Variants in POLE observed in about 807,000 individuals in gnomAD.
POLE encodes DNA polymerase epsilon, catalytic subunit.
In POLE, 188 loss-of-function variants were observed where a neutral mutation model predicts 279.2. The ratio of observed to expected loss-of-function variants is 0.67; its 90% CI spans 0.60 to 0.76. POLE has a LOEUF of 0.76. POLE is among the 30% of genes least tolerant of loss of function. The pLI, the probability that POLE is intolerant of heterozygous loss-of-function variation, is 0.00. For synonymous variants in POLE, 1,214 were observed against 1,172.5 expected (o/e 1.04, Z -0.72); for missense variants, 2,703 against 3,016.7 (o/e 0.90, Z 2.44).
intron 26 of POLE, 40 bp from the exon 27 acceptor site, chr12:132,658,010 A>G: frequency 1.7e-6 from 2 of 1,198,280 alleles, no homozygotes; most frequent in Non-Finnish European, 1.2e-6. Context: ...GTAACAGTGA[A>G]AATCACCCAA....
Position 132,639,539 on chromosome 12 carries a change from C to CCCTCAACACAAT in POLE, c.5379-242_5379-241insATTGTGTTGAGG, listed in dbSNP as rs869113501. Among the ~76,000 whole-genome samples, 8 of 18,292 alleles carry CCCTCAACACAAT rather than the reference C, an allele frequency of 4.4e-4. No homozygotes were observed. The highest frequency in any genetic ancestry group is 0.029 in the Middle Eastern group (1 of 34). The allele number at this position is 18,292 out of a possible 152,430, so 12.0% of individuals were successfully genotyped here. ...TAAACTTGTTCAGGCTTCACCGCAT[C>CCCTCAACACAAT]CCAAACTCTGTGTGTTCTAAAGCAG... On this transcript the variant is annotated intron_variant, in intron 39 of 48. Coordinates refer to ENST00000320574, the MANE Select transcript of POLE (RefSeq NM_006231.4). This position sits in a 1 kb window ranked among gnomAD's most constrained non-coding sequence, Gnocchi z 4.7.
intron 41 of POLE, among the ~76,000 whole-genome samples, chr12:132,636,297 C>T (rs375914958): frequency 6.6e-5 from 10 of 152,074 alleles, no homozygotes; most frequent in Admixed American, 2.0e-4. Flanking sequence ...CTCTGCTCTG[C>T]GGCCTTAGGT....
At position 132,643,671 on chromosome 12, in the gene POLE, G is replaced by T. The variant is rs140563234; in HGVS notation, c.4291-111C>A. The T allele has an allele frequency of 6.5e-5, 99 of 1,512,388 alleles. No homozygotes were observed. In the African/African-American group the frequency reaches 1.2e-3, roughly 18 times the overall value. 93.7% of individuals were successfully genotyped at this position (1,512,388 alleles called of 1,614,324 possible). On this transcript the variant is annotated intron_variant, in intron 33 of 48. Transcript: ENST00000320574. ...TGCCCCTGCAGCTGCCCGGCCCACTGCCCAAAGGCCACTTTTGGCAGACAC... is the reference window on the plus strand; with the variant it reads ...TGCCCCTGCAGCTGCCCGGCCCACTTCCCAAAGGCCACTTTTGGCAGACAC...
chr12:132,685,920 G>C (rs2043250061), intron 1 of POLE, among the ~76,000 whole-genome samples: 1 of 151,506 alleles, frequency 6.6e-6, no homozygotes, highest in African/African-American at 2.4e-5. Flanking sequence ...TTGTTGCCCA[G>C]CCTGGAGTGC....
At chr12:132,673,091 T>C in intron 14 of POLE, 73 bp downstream of exon 14, 2 of 1,018,214 alleles carry the variant, frequency 2.0e-6, no homozygotes, top group Non-Finnish European at 3.1e-6. Context: ...TCCACCTCCA[T>C]TCAGCTCCAG....
chr12:132,678,509 C>T (rs1414375266), intron 6 of POLE, among the ~76,000 whole-genome samples: 6 of 149,384 alleles, frequency 4.0e-5, no homozygotes, highest in South Asian at 2.2e-4. Flanking sequence ...CCCAGGAGTT[C>T]GAGGCCACAG....
chr12:132,665,462 A>G lies in POLE; in HGVS notation c.2320-12T>C, dbSNP rs2135962443. 3 of 1,601,652 alleles carry G rather than the reference A, an allele frequency of 1.9e-6. No individual in the cohort carries two copies. Among genetic ancestry groups the G allele is most frequent in the Non-Finnish European group, 2.6e-6 (3 of 1,173,974 alleles). ...TTCTTTTTCCACACCTGAGAAGCAC[A>G]TGAACATGGAGCACCTCACAGATTC... is the stretch of plus-strand genomic sequence containing the variant. On this transcript the variant is annotated splice_polypyrimidine_tract_variant and intron_variant, in intron 20 of 48. Transcript: ENST00000320574.
intron 26 of POLE, 126 bp from the exon 27 acceptor site, chr12:132,658,096 C>T: frequency 1.5e-6 from 1 of 659,196 alleles, no homozygotes; most frequent in Non-Finnish European, 2.7e-6. Flanking sequence ...TCAATGTATA[C>T]ATCTGCGTGC....
At chr12:132,638,366 T>A in intron 40 of POLE, 1 of 337,860 alleles carries the variant, frequency 3.0e-6, no homozygotes, top group African/African-American at 2.1e-5. Context: ...AGCAAATTCT[T>A]ATCACAGAAA....
Position 132,685,080 on chromosome 12 carries a change from A to G in POLE, c.62+2174T>C, listed in dbSNP as rs565526603. ...ACAGGCTCTCATTCACAGAGCTACCATTGACTGGTTACTATATCACACCGT... is the reference window on the plus strand; with the variant it reads ...ACAGGCTCTCATTCACAGAGCTACCGTTGACTGGTTACTATATCACACCGT... On this transcript the variant is annotated intron_variant, in intron 1 of 48. Coordinates refer to ENST00000320574, the MANE Select transcript of POLE (RefSeq NM_006231.4). Among the ~76,000 whole-genome samples the G allele has an allele frequency of 1.9e-3, 162 of 86,644 alleles. 13 individuals are homozygous for G. Among genetic ancestry groups the G allele is most frequent in the African/African-American group, 6.1e-3 (157 of 25,926 alleles). 56.8% of individuals were successfully genotyped at this position (86,644 alleles called of 152,430 possible). A position where few individuals can be genotyped will look rare whatever the true frequency, so the allele number is the denominator to read the frequency against.
intron 37 of POLE, 49 bp from the exon 38 acceptor site, chr12:132,642,446 G>C (rs1191635871): frequency 3.8e-6 from 6 of 1,598,180 alleles, no homozygotes; most frequent in Middle Eastern, 1.7e-4. Context: ...GGGTCACAGA[G>C]ACCACCGAGG....
At position 132,664,538 on chromosome 12, in the gene POLE, G is replaced by T; in HGVS notation, c.2469-76C>A. The stretch of plus-strand genomic sequence containing the variant: ...GGGTATCAGAGGCAGTGAGGAGTAG[G>T]GAGGAGGAAAGGAGAGATGCGACAG... On this transcript the variant is annotated intron_variant, in intron 21 of 48. Coordinates refer to ENST00000320574, the MANE Select transcript of POLE (RefSeq NM_006231.4). The surrounding 1 kb of genome is among the most constrained non-coding windows in gnomAD (Gnocchi z 5.3). 8.9e-7 allele frequency: 1 copy of T among 1,118,528 alleles called. No homozygotes were observed. Among genetic ancestry groups the T allele is most frequent in the Non-Finnish European group, 1.4e-6 (1 of 739,482 alleles). The allele number at this position is 1,118,528 out of a possible 1,614,324, so 69.3% of individuals were successfully genotyped here. A position where few individuals can be genotyped will look rare whatever the true frequency, so the allele number is the denominator to read the frequency against.
rs979085449 is a variant in POLE at position 132,668,876 on chromosome 12, G to C, written c.1858C>G (p.Pro620Ala). ...LKDVPSRIECPLIYHLDVGAM... is the reference protein window; with the variant it reads ...LKDVPSRIECALIYHLDVGAM... Reference sequence around the variant, plus strand: ...CCCACGTCCAGGTGGTAGATGAGTGGACACTCGATGCGGCTGGGAACGTCC... The same window carrying C: ...CCCACGTCCAGGTGGTAGATGAGTGCACACTCGATGCGGCTGGGAACGTCC... Residue 620 changes from proline to alanine, a missense_variant, in exon 17 of 49, where the codon CCA becomes GCA. This residue lies in a region of POLE where 1,011 missense variants were observed against 1,111.7 expected (regional missense o/e 0.91). Coordinates refer to ENST00000320574, the MANE Select transcript of POLE (RefSeq NM_006231.4). This position sits in a 1 kb window ranked among gnomAD's most constrained non-coding sequence, Gnocchi z 4.0. The C allele has an allele frequency of 6.2e-7, 1 of 1,614,050 alleles. No individual in the cohort carries two copies. Among genetic ancestry groups the C allele is most frequent in the Non-Finnish European group, 8.5e-7 (1 of 1,179,950 alleles).
intron 45 of POLE, among the ~76,000 whole-genome samples, chr12:132,627,094 A>T (rs1470941871): frequency 6.6e-6 from 1 of 152,232 alleles, no homozygotes; most frequent in East Asian, 1.9e-4. Flanking sequence ...CATCCTGGCC[A>T]ACACAGTGAA....
intron 40 of POLE, 79 bp from the exon 41 acceptor site, chr12:132,638,218 G>A (rs2138503574): frequency 7.1e-7 from 1 of 1,401,732 alleles, no homozygotes; most frequent in Non-Finnish European, 9.8e-7. Context: ...ATCCAAGAGG[G>A]AAAAGAGCTG....
At chr12:132,680,422 A>G in intron 3 of POLE, 185 bp downstream of exon 3, 1 of 667,514 alleles carries the variant, frequency 1.5e-6, no homozygotes, top group South Asian at 1.8e-5. Context: ...CACCATTCAG[A>G]GTCTTCCTGA....
Position 132,661,926 on chromosome 12 carries a change from A to G in POLE, c.2707-242T>C, listed in dbSNP as rs573333375. Among the ~76,000 whole-genome samples the G allele has an allele frequency of 3.3e-5, 5 of 152,324 alleles. No homozygotes were observed. Among genetic ancestry groups the G allele is most frequent in the Non-Finnish European group, 5.9e-5 (4 of 68,034 alleles). On this transcript the variant is annotated intron_variant, in intron 23 of 48. Coordinates refer to ENST00000320574, the MANE Select transcript of POLE (RefSeq NM_006231.4). This position sits in a 1 kb window ranked among gnomAD's most constrained non-coding sequence, Gnocchi z 4.1. Reference sequence around the variant, plus strand: ...CTACAGGCCGTATGCTTCCCTTTACATGACATTTTCGACAAAGCAAAATTA... The same window carrying G: ...CTACAGGCCGTATGCTTCCCTTTACGTGACATTTTCGACAAAGCAAAATTA...
At chr12:132,662,792 C>T (rs559059436) in intron 23 of POLE, among the ~76,000 whole-genome samples, 2 of 152,326 alleles carry the variant, frequency 1.3e-5, no homozygotes, top group African/African-American at 4.8e-5. Context: ...TAGGAGGCCC[C>T]AGTGGCCCAA....
rs1057523897 is a variant in POLE, at chr12:132,642,313, G to T, written c.5037C>A (p.Arg1679=). 29 of 1,600,806 alleles carry T rather than the reference G, an allele frequency of 1.8e-5. No homozygotes were observed. The highest frequency in any genetic ancestry group is 2.5e-5 in the Non-Finnish European group (29 of 1,173,312). ...SDLFFARHLQ[R]HNHLLWLSPT... is the part of the protein sequence containing the mutation. ...GGGACAGCCAGAGCAGGTGGTTGTG[G>T]CGCTGGAGGTGGCGGGCAAAGAAGA... Residue 1679 remains arginine, a synonymous_variant, in exon 38 of 49, where the codon CGC becomes CGA. Coordinates refer to ENST00000320574, the MANE Select transcript of POLE (RefSeq NM_006231.4).
Sources: allele counts gnomAD v4.1 joint callset (sites outside exome capture counted in the v4.1 genomes callset), GRCh38; gene constraint gnomAD v4.1.1; regional missense constraint gnomAD v4.1.1; non-coding constraint Gnocchi (gnomAD v3.1); transcripts MANE v1.5; gene names NCBI Gene and HGNC (gene_info 2026-07-23, HGNC 2026-07-21).